Variants in PTPRD observed in about 807,000 individuals in gnomAD.
PTPRD encodes protein tyrosine phosphatase receptor type D.
PTPRD carries 34 observed loss-of-function variants against 214.5 expected under a neutral mutation model. That is an observed-to-expected ratio of 0.16 (90% CI 0.12 to 0.21). PTPRD has a LOEUF of 0.21. PTPRD is among the 10% of genes least tolerant of loss of function. PTPRD has a pLI of 1.00. For missense variants in PTPRD, 2,545 were observed against 2,398.7 expected, an observed-to-expected ratio of 1.06 and a Z score of -1.27; for synonymous variants, 1,128 against 845.7, an observed-to-expected ratio of 1.33 and a Z score of -5.79.
intron 8 of PTPRD, among the ~76,000 whole-genome samples, chr9:9,466,513 C>T (rs1307589318): frequency 6.6e-6 from 1 of 152,074 alleles, no homozygotes; most frequent in Non-Finnish European, 1.5e-5. Context: ...AGCAAAGGAA[C>T]TCGCTGATGA....
At chr9:8,584,894 A>G (rs2093508379) in intron 14 of PTPRD, among the ~76,000 whole-genome samples, 1 of 152,194 alleles carries the variant, frequency 6.6e-6, no homozygotes. Flanking sequence ...AGTGTCGAGG[A>G]GAAGAATGAG....
chr9:9,614,439 A>G (rs970825239), intron 7 of PTPRD, among the ~76,000 whole-genome samples: 12 of 152,286 alleles, frequency 7.9e-5, no homozygotes, highest in Admixed American at 2.6e-4. Context: ...CAATATATCA[A>G]TGCAATGTAA....
intron 11 of PTPRD, among the ~76,000 whole-genome samples, chr9:8,894,981 C>T (rs933777211): frequency 6.6e-6 from 1 of 152,210 alleles, no homozygotes; most frequent in African/African-American, 2.4e-5. Flanking sequence ...AGTCTCTTCA[C>T]TTCTCACTGC....
intron 11 of PTPRD, among the ~76,000 whole-genome samples, chr9:8,754,959 G>A (rs1043091372): frequency 2.0e-5 from 3 of 151,954 alleles, no homozygotes; most frequent in Non-Finnish European, 4.4e-5. Context: ...AAAAAGGACT[G>A]AACAATGTTA....
intron 8 of PTPRD, among the ~76,000 whole-genome samples, chr9:9,475,127 C>T (rs1364608490): frequency 6.6e-6 from 1 of 152,184 alleles, no homozygotes; most frequent in Non-Finnish European, 1.5e-5. Flanking sequence ...GTTCTCTTAA[C>T]ATAGTTTCTA....
At position 9,010,189 on chromosome 9, in the gene PTPRD, C is replaced by A. The variant is rs75528810; in HGVS notation, c.-104+8508G>T. ...TAGATGGTTGATGCAGTTTCTAAAA[C>A]AATGTTAGAAAGTAACAGATTCAAC... On this transcript the variant is annotated intron_variant, in intron 11 of 45. Transcript: ENST00000381196. Among the ~76,000 whole-genome samples, 793 of 152,238 alleles carry A rather than the reference C, an allele frequency of 5.2e-3. 14 individuals carry two copies. The highest frequency in any genetic ancestry group is 0.018 in the African/African-American group (765 of 41,530).
chr9:8,954,852 T>A (rs1347241), intron 11 of PTPRD, among the ~76,000 whole-genome samples: 133,848 of 151,826 alleles, frequency 0.88, 59,505 homozygotes, highest in Non-Finnish European at 0.94. Flanking sequence ...TGAGTAAATA[T>A]TGAAAATAAT....
chr9:8,683,839 G>C (rs1246493388), intron 12 of PTPRD, among the ~76,000 whole-genome samples: 1 of 152,180 alleles, frequency 6.6e-6, no homozygotes, highest in South Asian at 2.1e-4. Context: ...TCCCCGACCA[G>C]AACCAGGAGT....
chr9:10,443,397 G>A (rs757281405), intron 2 of PTPRD, among the ~76,000 whole-genome samples: 1 of 151,512 alleles, frequency 6.6e-6, no homozygotes. Flanking sequence ...CAGAGTCAAT[G>A]TACTGTTCAC....
At chr9:8,540,559 G>A (rs1184442536) in intron 14 of PTPRD, among the ~76,000 whole-genome samples, 2 of 152,130 alleles carry the variant, frequency 1.3e-5, no homozygotes, top group African/African-American at 4.8e-5. Flanking sequence ...TTAGAGAAAT[G>A]ATAAAGTCTG....
At chr9:10,429,760 G>T (rs1054583912) in intron 2 of PTPRD, among the ~76,000 whole-genome samples, 1 of 151,704 alleles carries the variant, frequency 6.6e-6, no homozygotes, top group East Asian at 2.0e-4. Flanking sequence ...AAGGGGGGAG[G>T]ATGATGATGA....
At chr9:8,698,212 T>G (rs546199947) in intron 12 of PTPRD, among the ~76,000 whole-genome samples, 27 of 152,372 alleles carry the variant, frequency 1.8e-4, no homozygotes, top group Non-Finnish European at 3.1e-4. Context: ...GAATGCATAC[T>G]TATGCACTGA....
intron 11 of PTPRD, among the ~76,000 whole-genome samples, chr9:8,779,835 G>A (rs1482640506): frequency 7.6e-6 from 1 of 130,740 alleles, no homozygotes; most frequent in African/African-American, 3.0e-5. Context: ...TTTTTTTTTG[G>A]TCCTAAGGAT....
intron 6 of PTPRD, among the ~76,000 whole-genome samples, chr9:9,738,960 GTATTTTTATAT>G (rs2098351349): frequency 6.6e-6 from 1 of 152,042 alleles, no homozygotes; most frequent in Admixed American, 6.6e-5. Flanking sequence ...ACCAGACATG[GTATTTTTATAT>G]TACTTGTATA....
At chr9:9,398,554 G>A (rs1377630566) in intron 8 of PTPRD, among the ~76,000 whole-genome samples, 1 of 151,946 alleles carries the variant, frequency 6.6e-6, no homozygotes, top group Admixed American at 6.6e-5. Context: ...AAACTTGACT[G>A]TTAAAGTCAT....
intron 14 of PTPRD, among the ~76,000 whole-genome samples, chr9:8,624,129 T>C (rs1034175965): frequency 1.3e-5 from 2 of 151,910 alleles, no homozygotes; most frequent in East Asian, 1.9e-4. Context: ...GTTGAAGCAA[T>C]TGACTACCTG....
intron 12 of PTPRD, among the ~76,000 whole-genome samples, chr9:8,719,369 T>C (rs897400063): frequency 1.3e-5 from 2 of 152,222 alleles, no homozygotes; most frequent in African/African-American, 2.4e-5. Flanking sequence ...CTTGAACATA[T>C]TTCTTCTAAT....
chr9:8,580,456 A>G (rs561255948), intron 14 of PTPRD, among the ~76,000 whole-genome samples: 2 of 152,334 alleles, frequency 1.3e-5, no homozygotes, highest in South Asian at 2.1e-4. Context: ...GGTTTTAAAT[A>G]TATGCTATAT....
intron 11 of PTPRD, among the ~76,000 whole-genome samples, chr9:8,774,505 C>G (rs936825335): frequency 2.7e-5 from 4 of 145,806 alleles, no homozygotes; most frequent in Admixed American, 1.4e-4. Flanking sequence ...ACACGCATAA[C>G]CAAAATGCAT....
Sources: allele counts gnomAD v4.1 joint callset (sites outside exome capture counted in the v4.1 genomes callset), GRCh38; gene constraint gnomAD v4.1.1; transcripts MANE v1.5; gene names NCBI Gene and HGNC (gene_info 2026-07-23, HGNC 2026-07-21).